Variants in SLC2A13 observed in about 807,000 individuals in gnomAD.
SLC2A13 encodes the protein proton myo-inositol cotransporter.
Under a neutral mutation model 64.4 loss-of-function variants are expected in SLC2A13, and 32 were observed. The observed-to-expected ratio is 0.50, with a 90% confidence interval of 0.37 to 0.67. The LOEUF (loss-of-function observed/expected upper bound fraction) is 0.67. Among genes scored for constraint, SLC2A13 ranks in the 30% least tolerant of loss-of-function variants. SLC2A13 has a pLI of 0.00. For synonymous variants in SLC2A13, 338 were observed against 327.1 expected (o/e 1.03, Z -0.36); for missense variants, 743 against 829.2 (o/e 0.90, Z 1.28).
intron 7 of SLC2A13, among the ~76,000 whole-genome samples, chr12:39,785,261 C>T (rs1251539609): frequency 6.6e-6 from 1 of 152,154 alleles, no homozygotes; most frequent in Admixed American, 6.5e-5. Context: ...AGCCTAGAGA[C>T]TTGGTGCCCT....
rs1019833248 is a variant in SLC2A13, at chr12:39,755,999, G to T, written c.*4027C>A. ...AGTTAGCTATTTGGCATTTTTAAATGATTGCTATTTCTAGAAAAATAGCAG... is the reference window on the plus strand; with the variant it reads ...AGTTAGCTATTTGGCATTTTTAAATTATTGCTATTTCTAGAAAAATAGCAG... On this transcript the variant is annotated 3_prime_UTR_variant, in exon 10 of 10. Coordinates refer to ENST00000280871, the MANE Select transcript of SLC2A13 (RefSeq NM_052885.4). 1 of 151,900 alleles carries T rather than the reference G, an allele frequency of 6.6e-6. No individual in the cohort carries two copies. Among genetic ancestry groups the T allele is most frequent in the Non-Finnish European group, 1.5e-5 (1 of 67,764 alleles). The allele number at this position is 151,900 out of a possible 1,614,324, so 9.4% of individuals were successfully genotyped here. A position where few individuals can be genotyped will look rare whatever the true frequency, so the allele number is the denominator to read the frequency against.
intron 1 of SLC2A13, among the ~76,000 whole-genome samples, chr12:40,054,375 T>A (rs1416215790): frequency 6.6e-6 from 1 of 152,044 alleles, no homozygotes; most frequent in East Asian, 1.9e-4. Context: ...AAAAGCCTGA[T>A]AAAGAAAAAA....
intron 7 of SLC2A13, among the ~76,000 whole-genome samples, chr12:39,819,293 T>A (rs539662636): frequency 2.6e-5 from 4 of 152,196 alleles, no homozygotes; most frequent in African/African-American, 9.6e-5. Flanking sequence ...GTTTGGAGAA[T>A]TTTTTTTCTC....
chr12:40,043,358 G>A (rs1263059479), intron 2 of SLC2A13, among the ~76,000 whole-genome samples: 1 of 152,026 alleles, frequency 6.6e-6, no homozygotes, highest in East Asian at 1.9e-4. Context: ...AGACAGGTAT[G>A]GTGACTCACA....
At chr12:40,054,599 C>T (rs1366471839) in intron 1 of SLC2A13, among the ~76,000 whole-genome samples, 4 of 152,166 alleles carry the variant, frequency 2.6e-5, no homozygotes, top group Non-Finnish European at 5.9e-5. Context: ...TCGCACTTGG[C>T]TTGAGAAGTT....
intron 3 of SLC2A13, among the ~76,000 whole-genome samples, chr12:39,967,048 A>C (rs946076197): frequency 2.6e-5 from 4 of 152,128 alleles, no homozygotes; most frequent in Non-Finnish European, 5.9e-5. Flanking sequence ...CAATCTGTGA[A>C]GGGAGTCAGG....
intron 3 of SLC2A13, among the ~76,000 whole-genome samples, chr12:40,013,205 A>G (rs1341963336): frequency 1.3e-5 from 2 of 152,104 alleles, no homozygotes; most frequent in African/African-American, 4.8e-5. Context: ...AGTAATATAA[A>G]CTATTTTCTA....
At chr12:39,984,418 T>G (rs1351079916) in intron 3 of SLC2A13, among the ~76,000 whole-genome samples, 1 of 152,004 alleles carries the variant, frequency 6.6e-6, no homozygotes, top group Non-Finnish European at 1.5e-5. Context: ...GAGACGGAAA[T>G]AAAAATAACT....
Position 39,947,617 on chromosome 12 carries a change from A to G in SLC2A13, c.1034+3640T>C, listed in dbSNP as rs577853240. Among the ~76,000 whole-genome samples the G allele has an allele frequency of 1.3e-4, 19 of 150,748 alleles. No individual in the cohort carries two copies. The South Asian group carries it at 3.6e-3, about 28-fold the overall frequency. ...TTAGATTGAACATGGAACATCTTTG[A>G]TATTATAACTAGAGTTTAGAATAGA... On this transcript the variant is annotated intron_variant, in intron 4 of 9. Transcript: ENST00000280871.
intron 4 of SLC2A13, among the ~76,000 whole-genome samples, chr12:39,901,217 A>T (rs1176669987): frequency 6.6e-6 from 1 of 152,260 alleles, no homozygotes; most frequent in African/African-American, 2.4e-5. Flanking sequence ...CTTAAACGTT[A>T]GACCTGAAAC....
chr12:40,028,260 T>C, intron 3 of SLC2A13, 41 bp downstream of exon 3: 2 of 1,475,322 alleles, frequency 1.4e-6, no homozygotes, highest in Non-Finnish European at 1.9e-6. Context: ...ATAAGACCAC[T>C]GTATAGTTTT....
intron 1 of SLC2A13, among the ~76,000 whole-genome samples, chr12:40,066,059 A>C (rs998747497): frequency 9.9e-5 from 15 of 152,236 alleles, no homozygotes; most frequent in Non-Finnish European, 1.8e-4. Context: ...ATTCAAAGCA[A>C]CTTAAGAAAC....
At chr12:39,834,550 A>G (rs748348219) in intron 6 of SLC2A13, among the ~76,000 whole-genome samples, 8 of 152,100 alleles carry the variant, frequency 5.3e-5, no homozygotes, top group Admixed American at 4.6e-4. Context: ...TTAAAAAAGC[A>G]TGAAAAACTA....
chr12:39,969,888 G>A (rs1448523939), intron 3 of SLC2A13, among the ~76,000 whole-genome samples: 2 of 152,184 alleles, frequency 1.3e-5, no homozygotes, highest in African/African-American at 4.8e-5. Context: ...CCTATGTCCT[G>A]AAAGGTATTG....
intron 1 of SLC2A13, among the ~76,000 whole-genome samples, chr12:40,049,090 A>G (rs11564162): frequency 0.15 from 22,672 of 152,002 alleles, 2,170 homozygotes; most frequent in Non-Finnish European, 0.2. Context: ...ATTTCCATGT[A>G]TGTCTGATTA....
chr12:39,864,786 T>C lies in SLC2A13; in HGVS notation c.1295A>G (p.Gln432Arg). 1 of 1,614,074 alleles carries C rather than the reference T, an allele frequency of 6.2e-7. No homozygotes were observed. ...ITFKPIAPSG[Q>R]NATCTRYSYC... ...CCTGTATCTTGTGCAAGTGGCGTTC[T>C]GACCTGACGGAGCTATTGGCTTAAA... Residue 432 changes from glutamine to arginine, a missense_variant, in exon 6 of 10, where the codon CAG (glutamine) becomes CGG (arginine). By Grantham distance (43) the Gln-to-Arg change is conservative. Transcript: ENST00000280871.
At chr12:39,913,863 T>TA (rs1000079975) in intron 4 of SLC2A13, among the ~76,000 whole-genome samples, 2 of 152,034 alleles carry the variant, frequency 1.3e-5, no homozygotes, top group Non-Finnish European at 2.9e-5. Context: ...AGTAACAATC[T>TA]AAAATATATG....
At chr12:39,838,163 A>T (rs1475638796) in intron 6 of SLC2A13, among the ~76,000 whole-genome samples, 1 of 149,668 alleles carries the variant, frequency 6.7e-6, no homozygotes, top group Non-Finnish European at 1.5e-5. Context: ...ACGCAGCCAT[A>T]AAAAAGGATG....
At chr12:40,008,332 GCA>G (rs892316001) in intron 3 of SLC2A13, among the ~76,000 whole-genome samples, 1 of 152,128 alleles carries the variant, frequency 6.6e-6, no homozygotes, top group African/African-American at 2.4e-5. Flanking sequence ...AATTGGCTGG[GCA>G]CAGTGGCTCA....
Sources: gnomAD v4.1 joint callset for allele counts (sites outside exome capture counted in the v4.1 genomes callset) on GRCh38, gnomAD v4.1.1 for gene constraint, MANE v1.5 for transcripts, NCBI Gene and HGNC (gene_info 2026-07-23, HGNC 2026-07-21) for gene names.